ZNG1F: variants seen among roughly 807,000 people sequenced by gnomAD.
ZNG1F encodes the protein zinc-regulated GTPase metalloprotein activator 1F.
At chr9:41,192,847 G>T in the ZNG1F span, among the ~76,000 whole-genome samples, 1 of 120,518 alleles carries the variant, frequency 8.3e-6, no homozygotes, top group Non-Finnish European at 1.8e-5. Context: ...AAATAAGTAT[G>T]AAATTTCTTA....
the ZNG1F span, among the ~76,000 whole-genome samples, chr9:41,205,448 C>A: frequency 1.9e-5 from 2 of 105,040 alleles, no homozygotes; most frequent in Admixed American, 1.8e-4. Flanking sequence ...GGCCAGCTAA[C>A]ACTCACACAA....
the ZNG1F span, among the ~76,000 whole-genome samples, chr9:41,155,310 A>G: frequency 2.0e-5 from 3 of 150,300 alleles, no homozygotes; most frequent in African/African-American, 7.4e-5. Context: ...ATGAGATACT[A>G]TCTCACACCA....
chr9:41,173,943 A>C, the ZNG1F span, among the ~76,000 whole-genome samples: 1 of 148,834 alleles, frequency 6.7e-6, no homozygotes, highest in Non-Finnish European at 1.5e-5. Context: ...CAAAAGAGGC[A>C]GGGTGTGGTG....
the ZNG1F span, among the ~76,000 whole-genome samples, chr9:41,154,846 A>T: frequency 6.7e-6 from 1 of 149,782 alleles, no homozygotes; most frequent in Non-Finnish European, 1.5e-5. Flanking sequence ...CTTATACAAA[A>T]ATCAATTCAA....
chr9:41,173,209 A>G, the ZNG1F span, among the ~76,000 whole-genome samples: 2 of 150,460 alleles, frequency 1.3e-5, no homozygotes, highest in African/African-American at 4.8e-5. Context: ...CATTCCTAAC[A>G]TCTCTCACCA....
chr9:41,196,075 C>T, the ZNG1F span: 610 of 36,022 alleles, frequency 0.017, no homozygotes, highest in South Asian at 0.038. Context: ...CCTATAGCTC[C>T]GTCCTTCAGT....
the ZNG1F span, among the ~76,000 whole-genome samples, chr9:41,192,864 A>G: frequency 1.4e-5 from 2 of 138,190 alleles, no homozygotes; most frequent in East Asian, 4.6e-4. Flanking sequence ...CTTAATTATA[A>G]TATTTTAGAA....
At chr9:41,165,085 T>G in the ZNG1F span, 39 of 1,577,414 alleles carry the variant, frequency 2.5e-5, 4 homozygotes, top group South Asian at 4.2e-4. Context: ...CAAAGCAACT[T>G]GCCTAAAATA....
the ZNG1F span, chr9:41,132,025 A>G: frequency 8.8e-7 from 1 of 1,141,030 alleles, no homozygotes; most frequent in Non-Finnish European, 1.2e-6. Flanking sequence ...CCTTGGATTA[A>G]CCACTTTTCT....
chr9:41,134,107 G>C, the ZNG1F span: 2 of 228,976 alleles, frequency 8.7e-6, no homozygotes, highest in South Asian at 6.8e-5. Flanking sequence ...AGGTACTTTT[G>C]CCTGAGTCAC....
the ZNG1F span, among the ~76,000 whole-genome samples, chr9:41,174,580 TA>T: frequency 8.5e-6 from 1 of 118,064 alleles, no homozygotes; most frequent in African/African-American, 3.3e-5. Flanking sequence ...TTATTTCCTT[TA>T]AAAAAGACCA....
the ZNG1F span, chr9:41,164,911 C>T: frequency 8.0e-7 from 1 of 1,243,476 alleles, no homozygotes; most frequent in Non-Finnish European, 1.1e-6. Context: ...AACCTTATAC[C>T]TTAAGTTTCT....
the ZNG1F span, among the ~76,000 whole-genome samples, chr9:41,155,382 T>C: frequency 2.2e-4 from 33 of 147,450 alleles, no homozygotes; most frequent in African/African-American, 7.5e-4. Flanking sequence ...TGTGGAGAAA[T>C]AGGAACACTT....
the ZNG1F span, among the ~76,000 whole-genome samples, chr9:41,187,152 T>A: frequency 1.4e-5 from 2 of 146,806 alleles, 1 homozygote; most frequent in African/African-American, 5.0e-5. Flanking sequence ...CTTTAAGACA[T>A]AGTTCATTCA....
At chr9:41,185,690 T>G in the ZNG1F span, among the ~76,000 whole-genome samples, 1 of 151,116 alleles carries the variant, frequency 6.6e-6, no homozygotes, top group Non-Finnish European at 1.5e-5. Flanking sequence ...TAAAATAAAA[T>G]AAAAAATAAA....
chr9:41,192,927 A>G, the ZNG1F span, among the ~76,000 whole-genome samples: 1 of 151,846 alleles, frequency 6.6e-6, no homozygotes, highest in Non-Finnish European at 1.5e-5. Flanking sequence ...TAGCTTTGCT[A>G]TTTTGTCTCA....
the ZNG1F span, chr9:41,183,603 C>T: frequency 6.2e-7 from 1 of 1,600,558 alleles, no homozygotes; most frequent in South Asian, 1.1e-5. Context: ...AAGTTCCAGC[C>T]ACTCTTCATA....
the ZNG1F span, among the ~76,000 whole-genome samples, chr9:41,148,602 C>T: frequency 7.0e-6 from 1 of 143,096 alleles, no homozygotes; most frequent in Non-Finnish European, 1.5e-5. Context: ...GACAAGTTTA[C>T]TCTCTGAGCT....
the ZNG1F span, among the ~76,000 whole-genome samples, chr9:41,169,886 C>T: frequency 7.2e-6 from 1 of 139,408 alleles, no homozygotes; most frequent in African/African-American, 2.8e-5. Flanking sequence ...AAGGAACTCT[C>T]TGAAATAACA....
Sources: allele counts gnomAD v4.1 joint callset (sites outside exome capture counted in the v4.1 genomes callset), GRCh38; gene constraint gnomAD v4.1.1; transcripts MANE v1.5; gene names NCBI Gene and HGNC (gene_info 2026-07-23, HGNC 2026-07-21).